TPH2: variants seen among roughly 807,000 people sequenced by gnomAD.
TPH2 encodes tryptophan 5-hydroxylase 2.
Under a neutral mutation model 59.1 loss-of-function variants are expected in TPH2, and 27 were observed. The ratio of observed to expected loss-of-function variants is 0.46; its 90% CI spans 0.34 to 0.63. The LOEUF (loss-of-function observed/expected upper bound fraction) is 0.63, where lower values mean the gene tolerates loss of function less well. Among genes scored for constraint, TPH2 ranks in the 30% least tolerant of loss-of-function variants. The pLI, the probability that TPH2 is intolerant of heterozygous loss-of-function variation, is 0.01. For missense variants in TPH2, 523 were observed against 588.3 expected (o/e 0.89, Z 1.15); for synonymous variants, 220 against 210.5 (o/e 1.05, Z -0.39).
chr12:72,022,613 A>C (rs1873450599), intron 9 of TPH2, 119 bp downstream of exon 9: 1 of 873,990 alleles, frequency 1.1e-6, no homozygotes, highest in South Asian at 1.4e-5. Flanking sequence ...TTTAACATAG[A>C]GGATTTGGCA....
chr12:72,027,050 A>C (rs957082378), intron 9 of TPH2, among the ~76,000 whole-genome samples: 1 of 150,822 alleles, frequency 6.6e-6, no homozygotes, highest in Non-Finnish European at 1.5e-5. Context: ...CTGACTTCAC[A>C]CTTGAGTTTT....
At position 71,992,838 on chromosome 12, in the gene TPH2, T is replaced by C. The variant is rs550305881; in HGVS notation, c.942-1601T>C. ...GCTCAGTATATTCTCTCTCTCTTCT[T>C]TATTTTTCATTTCTTCATATGTAAA... On this transcript the variant is annotated intron_variant, in intron 7 of 10. Transcript: ENST00000333850. 6.5e-4 allele frequency among the ~76,000 whole-genome samples: 99 copies of C among 152,354 alleles called. 1 individual carries two copies. The highest frequency in any genetic ancestry group is 4.1e-3 in the South Asian group (20 of 4,828).
intron 1 of TPH2, among the ~76,000 whole-genome samples, chr12:71,939,578 A>T (rs1871000590): frequency 6.6e-6 from 1 of 152,146 alleles, no homozygotes; most frequent in African/African-American, 2.4e-5. Context: ...TTCTCTTCTT[A>T]GTTATGGGTG....
chr12:71,986,813 T>A (rs1375702017), intron 7 of TPH2, among the ~76,000 whole-genome samples: 1 of 152,174 alleles, frequency 6.6e-6, no homozygotes, highest in Non-Finnish European at 1.5e-5. Context: ...AGGTTCATTA[T>A]GTATTTTCAG....
intron 9 of TPH2, among the ~76,000 whole-genome samples, chr12:72,027,089 T>C (rs967600530): frequency 6.6e-6 from 1 of 151,914 alleles, no homozygotes; most frequent in Non-Finnish European, 1.5e-5. Flanking sequence ...CCAGTCTTAA[T>C]ATAGATAGTG....
chr12:71,944,810 C>T (rs1170974223), intron 4 of TPH2, 124 bp downstream of exon 4: 1 of 932,272 alleles, frequency 1.1e-6, no homozygotes, highest in East Asian at 2.5e-5. Context: ...TTCCCCATAA[C>T]TGAGAGCAGA....
chr12:72,006,813 T>C (rs938636977), intron 8 of TPH2, among the ~76,000 whole-genome samples: 2 of 152,190 alleles, frequency 1.3e-5, no homozygotes, highest in African/African-American at 4.8e-5. Flanking sequence ...CCCAGTTTTG[T>C]CATCTTTAAA....
At chr12:71,978,245 C>G (rs192753875) in intron 6 of TPH2, among the ~76,000 whole-genome samples, 1 of 151,686 alleles carries the variant, frequency 6.6e-6, no homozygotes, top group Non-Finnish European at 1.5e-5. Context: ...TCCTTCTGCT[C>G]TAAGTTTTCT....
At chr12:71,988,544 T>C (rs958720745) in intron 7 of TPH2, among the ~76,000 whole-genome samples, 1 of 152,054 alleles carries the variant, frequency 6.6e-6, no homozygotes, top group Non-Finnish European at 1.5e-5. Flanking sequence ...AACGACCAGA[T>C]CTCGGGAGAA....
chr12:71,994,154 A>T (rs1336737419), intron 7 of TPH2, among the ~76,000 whole-genome samples: 1 of 152,264 alleles, frequency 6.6e-6, no homozygotes, highest in Non-Finnish European at 1.5e-5. Context: ...TATAAAGCAT[A>T]CAATAAAACA....
chr12:71,989,508 C>T (rs903575595), intron 7 of TPH2, among the ~76,000 whole-genome samples: 19 of 152,178 alleles, frequency 1.2e-4, no homozygotes, highest in African/African-American at 1.9e-4. Context: ...TCCTTCTCTT[C>T]GTGATTTAGC....
chr12:71,961,786 C>A lies in TPH2; in HGVS notation c.609-10733C>A, dbSNP rs1300935063. 7 of 1,284,182 alleles carry A rather than the reference C, an allele frequency of 5.5e-6. No individual in the cohort carries two copies. The South Asian group carries it at 9.0e-5, about 17-fold the overall frequency. 79.5% of individuals were successfully genotyped at this position (1,284,182 alleles called of 1,614,324 possible). On this transcript the variant is annotated intron_variant, in intron 5 of 10. Coordinates refer to ENST00000333850, the MANE Select transcript of TPH2 (RefSeq NM_173353.4). ...GTGAGAAAATAGTGGGAAGCCCTAT[C>A]CTGTGGTGCACAGGACAAATAAAAA...
intron 6 of TPH2, among the ~76,000 whole-genome samples, chr12:71,975,667 C>T (rs1424933931): frequency 1.3e-5 from 2 of 152,204 alleles, no homozygotes; most frequent in African/African-American, 2.4e-5. Flanking sequence ...CAAGTCCTGC[C>T]TCCTTCATGA....
intron 5 of TPH2, among the ~76,000 whole-genome samples, chr12:71,967,714 A>G (rs774676801): frequency 3.3e-5 from 5 of 152,244 alleles, no homozygotes; most frequent in Admixed American, 6.5e-5. Context: ...ATCTTGTAGC[A>G]ACATAAAATG....
chr12:71,973,737 C>G (rs1284126163), intron 6 of TPH2, among the ~76,000 whole-genome samples: 1 of 152,182 alleles, frequency 6.6e-6, no homozygotes, highest in Non-Finnish European at 1.5e-5. Context: ...TCCAAGAATC[C>G]TCACTTGGGG....
At chr12:71,988,277 A>G (rs1433837808) in intron 7 of TPH2, among the ~76,000 whole-genome samples, 1 of 152,220 alleles carries the variant, frequency 6.6e-6, no homozygotes, top group African/African-American at 2.4e-5. Context: ...TTCAAGAAAT[A>G]AGAAACACTT....
At chr12:72,011,148 T>C (rs1234908035) in intron 8 of TPH2, among the ~76,000 whole-genome samples, 1 of 152,178 alleles carries the variant, frequency 6.6e-6, no homozygotes, top group Non-Finnish European at 1.5e-5. Context: ...CAAAGGGTCA[T>C]TTGGAAAAAG....
At chr12:71,961,090 A>G (rs1871668043) in intron 5 of TPH2, among the ~76,000 whole-genome samples, 1 of 152,172 alleles carries the variant, frequency 6.6e-6, no homozygotes, top group Non-Finnish European at 1.5e-5. Flanking sequence ...CCAAACCTTG[A>G]TGCTAGGTAC....
chr12:71,979,662 C>T (rs774474250), intron 7 of TPH2, among the ~76,000 whole-genome samples: 2 of 152,144 alleles, frequency 1.3e-5, no homozygotes, highest in Non-Finnish European at 2.9e-5. Flanking sequence ...CCATTCTCTC[C>T]TGGACAATGG....
Sources: allele counts gnomAD v4.1 joint callset (sites outside exome capture counted in the v4.1 genomes callset), GRCh38; gene constraint gnomAD v4.1.1; transcripts MANE v1.5; gene names NCBI Gene and HGNC (gene_info 2026-07-23, HGNC 2026-07-21).